The following PPP1R13B variants were observed in gnomAD, a reference collection of about 807,000 sequenced individuals.
The protein encoded by PPP1R13B is protein phosphatase 1 regulatory subunit 13B.
Under a neutral mutation model 119.8 loss-of-function variants are expected in PPP1R13B, and 44 were observed. The observed-to-expected ratio is 0.37, with a 90% CI of 0.29 to 0.47. PPP1R13B has a LOEUF of 0.47. Ranked by LOEUF, PPP1R13B falls within the 20% of genes least tolerant of loss-of-function variation. PPP1R13B has a pLI of 0.99. For synonymous variants in PPP1R13B, 542 were observed against 561.5 expected (o/e 0.97, Z 0.49); for missense variants, 1,227 against 1,413.5 (o/e 0.87, Z 2.12).
At chr14:103,809,036 T>C (rs2086086520) in intron 1 of PPP1R13B, among the ~76,000 whole-genome samples, 1 of 152,070 alleles carries the variant, frequency 6.6e-6, no homozygotes, top group Admixed American at 6.6e-5. Flanking sequence ...CTAATTTTTT[T>C]TATTTTTTGT....
At chr14:103,751,929 T>C (rs975413639) in intron 7 of PPP1R13B, among the ~76,000 whole-genome samples, 2 of 152,198 alleles carry the variant, frequency 1.3e-5, no homozygotes, top group Admixed American at 1.3e-4. Flanking sequence ...CCTTAAAATA[T>C]CACCCTAAGT....
intron 1 of PPP1R13B, among the ~76,000 whole-genome samples, chr14:103,828,210 T>C (rs370443549): frequency 1.3e-4 from 20 of 151,344 alleles, no homozygotes; most frequent in East Asian, 5.9e-4. Context: ...CTACTAAAAA[T>C]ACAAAAAAAT....
intron 1 of PPP1R13B, among the ~76,000 whole-genome samples, chr14:103,834,667 C>T (rs996933535): frequency 1.3e-5 from 2 of 149,210 alleles, no homozygotes; most frequent in African/African-American, 5.0e-5. Context: ...CTCGACTCAC[C>T]ACAACCTCCG....
chr14:103,740,294 G>A lies in PPP1R13B; in HGVS notation c.2122C>T (p.Arg708Cys). The A allele has an allele frequency of 2.5e-6, 4 of 1,589,384 alleles. No individual in the cohort carries two copies. Among genetic ancestry groups the A allele is most frequent in the Non-Finnish European group, 2.6e-6 (3 of 1,167,592 alleles). ...LANAPRPLKK[R>C]SSITEPEGPG... ...CCCTCGGGCTCTGTGATGGAGCTGC[G>A]CTTTTTCAGGGGCCGGGGCGCGTTG... The change falls in exon 12 of 17, where the codon CGC (arginine) becomes TGC (cysteine). Residue 708 changes from arginine (R) to cysteine (C), a missense_variant. Transcript: ENST00000202556. The surrounding 1 kb of genome is among the most constrained non-coding windows in gnomAD (Gnocchi z 4.6).
Position 103,847,380 on chromosome 14 carries a change from C to T in PPP1R13B, c.-73G>A. On this transcript the variant is annotated 5_prime_UTR_variant, in exon 1 of 17. Coordinates refer to ENST00000202556, the MANE Select transcript of PPP1R13B (RefSeq NM_015316.3). ...CCGCGCCGAGCTGTGCCCACCGCTC[C>T]GGCCGCCTCCTAAGGCCGCGCTCCC... The T allele has an allele frequency of 9.0e-7, 1 of 1,106,424 alleles. No homozygotes were observed. The highest frequency in any genetic ancestry group is 1.1e-6 in the Non-Finnish European group (1 of 905,318). 68.5% of individuals were successfully genotyped at this position (1,106,424 alleles called of 1,614,324 possible). A position where few individuals can be genotyped will look rare whatever the true frequency, so the allele number is the denominator to read the frequency against.
At chr14:103,797,175 T>C in intron 2 of PPP1R13B, 196 bp downstream of exon 2, 1 of 465,468 alleles carries the variant, frequency 2.1e-6, no homozygotes, top group East Asian at 3.5e-5. Context: ...TTATTTTAAT[T>C]ACTCAGTTCT....
At chr14:103,787,952 CT>C (rs879899631) in intron 2 of PPP1R13B, among the ~76,000 whole-genome samples, 5 of 150,394 alleles carry the variant, frequency 3.3e-5, no homozygotes, top group African/African-American at 4.9e-5. Context: ...GCCCAGCCTC[CT>C]TTTTTTTTAA....
At chr14:103,739,093 G>A in intron 12 of PPP1R13B, 70 bp from the exon 13 acceptor site, 1 of 1,552,174 alleles carries the variant, frequency 6.4e-7, no homozygotes, top group Non-Finnish European at 8.7e-7. Flanking sequence ...CGCCTGCTGG[G>A]AAGGAGTGGT....
At chr14:103,840,749 C>T (rs2086887042) in intron 1 of PPP1R13B, among the ~76,000 whole-genome samples, 1 of 151,760 alleles carries the variant, frequency 6.6e-6, no homozygotes, top group African/African-American at 2.4e-5. Context: ...CGAGATGGCA[C>T]CCCTGCACCC....
intron 4 of PPP1R13B, among the ~76,000 whole-genome samples, chr14:103,778,263 CTTTTTTT>C (rs34674155): frequency 1.0e-5 from 1 of 99,500 alleles, no homozygotes; most frequent in African/African-American, 4.2e-5. Context: ...CCACATCTGA[CTTTTTTT>C]TTTTTTTTTT....
At chr14:103,828,803 C>T (rs1016371626) in intron 1 of PPP1R13B, among the ~76,000 whole-genome samples, 1 of 152,184 alleles carries the variant, frequency 6.6e-6, no homozygotes, top group African/African-American at 2.4e-5. Flanking sequence ...ACTGAAGAAT[C>T]CCCCATTAGG....
chr14:103,780,842 G>A (rs562853168), intron 3 of PPP1R13B, among the ~76,000 whole-genome samples: 3 of 151,242 alleles, frequency 2.0e-5, no homozygotes, highest in Non-Finnish European at 2.9e-5. Context: ...AAGAAAAAAA[G>A]AATATTAGTA....
intron 1 of PPP1R13B, among the ~76,000 whole-genome samples, chr14:103,839,698 C>G (rs2086860248): frequency 6.6e-6 from 1 of 152,056 alleles, no homozygotes; most frequent in Non-Finnish European, 1.5e-5. Flanking sequence ...AAGATCAATC[C>G]TACACTACTC....
At chr14:103,746,727 G>A in intron 8 of PPP1R13B, 174 bp from the exon 9 acceptor site, 3 of 531,484 alleles carry the variant, frequency 5.6e-6, no homozygotes, top group East Asian at 3.3e-5. Context: ...AGAAGGAACT[G>A]TAGCTTCCTA....
chr14:103,797,233 TA>T, intron 2 of PPP1R13B, 137 bp downstream of exon 2: 1 of 744,168 alleles, frequency 1.3e-6, no homozygotes, highest in Non-Finnish European at 2.1e-6. Context: ...TTCCATTTGA[TA>T]AATACTAAAT....
intron 2 of PPP1R13B, among the ~76,000 whole-genome samples, chr14:103,788,497 C>T (rs2085527752): frequency 6.6e-6 from 1 of 152,108 alleles, no homozygotes; most frequent in South Asian, 2.1e-4. Context: ...ACTACTTAAG[C>T]AGAAGTCCAT....
chr14:103,774,516 C>A (rs2085139107), intron 4 of PPP1R13B, among the ~76,000 whole-genome samples: 1 of 152,166 alleles, frequency 6.6e-6, no homozygotes, highest in Non-Finnish European at 1.5e-5. Context: ...GACAAACCAG[C>A]ACAGTAGTAT....
intron 1 of PPP1R13B, among the ~76,000 whole-genome samples, chr14:103,820,273 C>A (rs1033288767): frequency 2.0e-5 from 3 of 152,148 alleles, no homozygotes; most frequent in Non-Finnish European, 4.4e-5. Context: ...CCCAGCTCCA[C>A]GAAGTTGAAA....
At chr14:103,830,331 G>A (rs960484780) in intron 1 of PPP1R13B, among the ~76,000 whole-genome samples, 2 of 151,386 alleles carry the variant, frequency 1.3e-5, no homozygotes, top group African/African-American at 2.4e-5. Flanking sequence ...CCTGACCTCA[G>A]GTGACCTCCC....
Sources: allele counts gnomAD v4.1 joint callset (sites outside exome capture counted in the v4.1 genomes callset), GRCh38; gene constraint gnomAD v4.1.1; non-coding constraint Gnocchi (gnomAD v3.1); transcripts MANE v1.5; gene names NCBI Gene and HGNC (gene_info 2026-07-23, HGNC 2026-07-21).